Variants in SIRT6 observed in about 807,000 individuals in gnomAD.
SIRT6 encodes NAD-dependent protein deacylase sirtuin-6.
SIRT6 carries 21 observed loss-of-function variants against 33.6 expected under a neutral mutation model. That is an observed-to-expected ratio of 0.62 (90% CI 0.44 to 0.90). The LOEUF (loss-of-function observed/expected upper bound fraction) is 0.90, where lower values mean the gene tolerates loss of function less well. Ranked by LOEUF, SIRT6 falls within the 40% of genes least tolerant of loss-of-function variation. The pLI is 0.00. For synonymous variants in SIRT6, 221 were observed against 223.9 expected (o/e 0.99, Z 0.12); for missense variants, 504 against 510.6 (o/e 0.99, Z 0.12).
intron 3 of SIRT6, 89 bp downstream of exon 3, chr19:4,179,015 A>T: frequency 6.7e-7 from 1 of 1,485,996 alleles, no homozygotes; most frequent in Non-Finnish European, 9.1e-7. Flanking sequence ...AATCTTATAG[A>T]ACCAGGAAAA....
At chr19:4,178,959 T>C (rs1180093456) in intron 3 of SIRT6, 145 bp downstream of exon 3, 7 of 1,069,444 alleles carry the variant, frequency 6.5e-6, no homozygotes, top group East Asian at 5.2e-5. Context: ...CTCTGAGCCA[T>C]GGGACTCAGA....
Position 4,180,093 on chromosome 19 carries a change from C to CTTT in SIRT6, c.194+686_194+688dup, listed in dbSNP as rs71166971. 6.5e-5 allele frequency among the ~76,000 whole-genome samples: 3 copies of CTTT among 45,902 alleles called. 1 individual carries two copies. In the Admixed American group the frequency reaches 1.0e-3, roughly 16 times the overall value. The allele number at this position is 45,902 out of a possible 152,430, so 30.1% of individuals were successfully genotyped here. A position where few individuals can be genotyped will look rare whatever the true frequency, so the allele number is the denominator to read the frequency against. ...GAAGGAGGAGAAATTCACGCCTTGG[C>CTTT]TTTTTTTTTTTTTTTTTTTTTTTTT... On this transcript the variant is annotated intron_variant, in intron 2 of 7. Transcript: ENST00000337491.
At position 4,174,846 on chromosome 19, in the gene SIRT6, C is replaced by A. The variant is rs1185902480; in HGVS notation, c.839G>T (p.Arg280Leu). 6.3e-7 allele frequency: 1 copy of A among 1,594,596 alleles called. No homozygotes were observed. ...GLEIPAWDGP[R>L]VLERALPPLP... ...GGGTGGCAGCGCCCTCTCCAGCACA[C>A]GGGGGCCGTCCCAGGCGGGGATCTC... Residue 280 changes from arginine to leucine, a missense_variant, in exon 8 of 8, where the codon CGT (arginine) becomes CTT (leucine). Physicochemically the swap from Arg to Leu is moderately radical, Grantham distance 102. Coordinates refer to ENST00000337491, the MANE Select transcript of SIRT6 (RefSeq NM_016539.4). This position sits in a 1 kb window ranked among gnomAD's most constrained non-coding sequence, Gnocchi z 4.2.
chr19:4,177,394 G>A (rs986145477), intron 3 of SIRT6, among the ~76,000 whole-genome samples: 4 of 151,750 alleles, frequency 2.6e-5, no homozygotes, highest in East Asian at 1.9e-4. Flanking sequence ...CTTAGATAAC[G>A]GGAAGCCCTT....
chr19:4,175,807 C>T (rs200911982), intron 5 of SIRT6, 35 bp downstream of exon 5: 104 of 1,554,568 alleles, frequency 6.7e-5, no homozygotes, highest in Middle Eastern at 1.7e-4. Flanking sequence ...TCGCAGCCTC[C>T]CCTGGAGCCC....
chr19:4,174,549 A>T lies in SIRT6; in HGVS notation c.*68T>A, dbSNP rs1312410256. The T allele has an allele frequency of 1.2e-5, 16 of 1,338,626 alleles. No homozygotes were observed. The highest frequency in any genetic ancestry group is 1.4e-5 in the Non-Finnish European group (14 of 1,018,584). The allele number at this position is 1,338,626 out of a possible 1,614,324, so 82.9% of individuals were successfully genotyped here. On this transcript the variant is annotated 3_prime_UTR_variant, in exon 8 of 8. Coordinates refer to ENST00000337491, the MANE Select transcript of SIRT6 (RefSeq NM_016539.4). This position sits in a 1 kb window ranked among gnomAD's most constrained non-coding sequence, Gnocchi z 4.2. ...TCCCGGGGACAGAAACAAGTAACAA[A>T]GTGAGACCACGAGAGAAAAAGAATC...
intron 2 of SIRT6, among the ~76,000 whole-genome samples, chr19:4,179,739 A>G (rs536793076): frequency 3.9e-5 from 6 of 152,286 alleles, no homozygotes; most frequent in Admixed American, 3.3e-4. Context: ...TCAAGCCTGG[A>G]TCAGAGGAGG....
chr19:4,180,623 C>T (rs1967569618), intron 2 of SIRT6, 159 bp downstream of exon 2: 2 of 874,674 alleles, frequency 2.3e-6, no homozygotes, highest in Non-Finnish European at 3.3e-6. Context: ...TTGTGATCCA[C>T]CATGCCCAGC....
Position 4,180,824 on chromosome 19 carries a change from G to A in SIRT6, c.152C>T (p.Thr51Met), listed in dbSNP as rs990727487. 8 of 1,613,350 alleles carry A rather than the reference G, an allele frequency of 5.0e-6. No individual in the cohort carries two copies. Among genetic ancestry groups the A allele is most frequent in the South Asian group, 1.1e-5 (1 of 91,038 alleles). Residue 51 changes from threonine to methionine, a missense_variant, in exon 2 of 8, where the codon ACG (threonine) becomes ATG (methionine). Transcript: ENST00000337491. Reference protein sequence around the residue: ...VWQSSSVVFHTGAGISTASGI... With the variant: ...VWQSSSVVFHMGAGISTASGI... ...AGAGGCAGTGCTGATGCCGGCACCC[G>A]TGTGGAACACCACACTGGAAGACTG... is the stretch of plus-strand genomic sequence containing the variant.
intron 1 of SIRT6, among the ~76,000 whole-genome samples, chr19:4,181,326 C>T (rs1967649329): frequency 6.6e-6 from 1 of 152,224 alleles, no homozygotes. Flanking sequence ...TTAGATGTCA[C>T]TTCAGTGACA....
At chr19:4,180,318 G>C (rs1362516249) in intron 2 of SIRT6, among the ~76,000 whole-genome samples, 4 of 151,992 alleles carry the variant, frequency 2.6e-5, no homozygotes, top group East Asian at 1.9e-4. Context: ...CTTGCAGCCA[G>C]GTGTGATCAG....
At chr19:4,179,979 G>A (rs1339910824) in intron 2 of SIRT6, among the ~76,000 whole-genome samples, 1 of 152,054 alleles carries the variant, frequency 6.6e-6, no homozygotes, top group Non-Finnish European at 1.5e-5. Flanking sequence ...TTCAGGGCTG[G>A]GGCAGGAAGG....
chr19:4,177,214 C>A, intron 3 of SIRT6, 76 bp from the exon 4 acceptor site: 2 of 1,442,712 alleles, frequency 1.4e-6, no homozygotes, highest in African/African-American at 1.4e-5. Flanking sequence ...TGGTGCTAAG[C>A]CCCTCTCCTC....
Position 4,179,089 on chromosome 19 carries a change from G to A in SIRT6, c.377+15C>T. 6.2e-7 allele frequency: 1 copy of A among 1,610,360 alleles called. No homozygotes were observed. On this transcript the variant is annotated intron_variant, in intron 3 of 7. Coordinates refer to ENST00000337491, the MANE Select transcript of SIRT6 (RefSeq NM_016539.4). ...GGCCCCAAGCTCTTTTGTGGGGGCG[G>A]GGCCAGGGTGTTACCTGGGGAAGCC... is the stretch of plus-strand genomic sequence containing the variant.
chr19:4,177,145 G>T lies in SIRT6; in HGVS notation c.378-7C>A. On this transcript the variant is annotated splice_region_variant and splice_polypyrimidine_tract_variant and intron_variant, in intron 3 of 7. Transcript: ENST00000337491. ...GAGCTCTGCCAGTTTGTCCCTGTGG[G>T]AAGAGCAGGAAGAGGCTTGATGGTG... The T allele has an allele frequency of 1.9e-6, 3 of 1,613,776 alleles. No homozygotes were observed. Among genetic ancestry groups the T allele is most frequent in the Non-Finnish European group, 2.5e-6 (3 of 1,179,866 alleles).
intron 4 of SIRT6, 81 bp downstream of exon 4, chr19:4,176,998 C>T: frequency 7.8e-7 from 1 of 1,280,366 alleles, no homozygotes; most frequent in Non-Finnish European, 1.1e-6. Flanking sequence ...CCCCCCATAC[C>T]CTCTGGGTCT....
intron 2 of SIRT6, among the ~76,000 whole-genome samples, chr19:4,179,959 G>A (rs1311673026): frequency 6.6e-6 from 1 of 152,094 alleles, no homozygotes; most frequent in Non-Finnish European, 1.5e-5. Flanking sequence ...GGCTGAAGTT[G>A]GAGAGGTGAT....
intron 6 of SIRT6, 64 bp from the exon 7 acceptor site, chr19:4,175,215 T>C (rs927715209): frequency 6.5e-7 from 1 of 1,532,000 alleles, no homozygotes; most frequent in East Asian, 2.3e-5. Context: ...GAGCCAGCCC[T>C]GGGGGCCGGT....
Position 4,174,394 on chromosome 19 carries a change from G to A in SIRT6, c.*223C>T, listed in dbSNP as rs901988772. 4.8e-6 allele frequency: 2 copies of A among 418,886 alleles called. No individual in the cohort carries two copies. The highest frequency in any genetic ancestry group is 3.9e-5 in the Admixed American group (1 of 25,346). 25.9% of individuals were successfully genotyped at this position (418,886 alleles called of 1,614,324 possible). ...CAAGTCAGAGGCTGGGGTGTGGCAGGGGCTCACCTGTCACCTCTGGGGTGT... is the reference window on the plus strand; with the variant it reads ...CAAGTCAGAGGCTGGGGTGTGGCAGAGGCTCACCTGTCACCTCTGGGGTGT... On this transcript the variant is annotated 3_prime_UTR_variant, in exon 8 of 8. Coordinates refer to ENST00000337491, the MANE Select transcript of SIRT6 (RefSeq NM_016539.4). The surrounding 1 kb of genome is among the most constrained non-coding windows in gnomAD (Gnocchi z 4.2).
Sources: gnomAD v4.1 joint callset for allele counts (sites outside exome capture counted in the v4.1 genomes callset) on GRCh38, gnomAD v4.1.1 for gene constraint, Gnocchi (gnomAD v3.1) non-coding constraint, MANE v1.5 for transcripts, NCBI Gene and HGNC (gene_info 2026-07-23, HGNC 2026-07-21) for gene names.